RASGRP3: variants seen among roughly 807,000 people sequenced by gnomAD.
RASGRP3 encodes the protein ras guanyl-releasing protein 3.
A neutral mutation model predicts 82.7 loss-of-function variants in RASGRP3; 54 were observed. The ratio of observed to expected loss-of-function variants is 0.65; its 90% CI spans 0.52 to 0.82. The LOEUF is 0.82. Ranked by LOEUF, RASGRP3 falls within the 40% of genes least tolerant of loss-of-function variation. The pLI, the probability that RASGRP3 is intolerant of heterozygous loss-of-function variation, is 0.00. For synonymous variants in RASGRP3, 309 were observed against 300.5 expected (o/e 1.03, Z -0.29); for missense variants, 861 against 828.9 (o/e 1.04, Z -0.48).
At chr2:33,473,382 C>CA (rs113570731), upstream of RASGRP3, among the ~76,000 whole-genome samples, 32,540 of 144,698 alleles carry the variant, frequency 0.22, 3,712 homozygotes, top group South Asian at 0.33. Context: ...GACTCCGTCT[C>CA]AAAAAAAAAA....
chr2:33,510,149 A>G (rs1255929437), intron 1 of RASGRP3, among the ~76,000 whole-genome samples: 2 of 152,242 alleles, frequency 1.3e-5, no homozygotes, highest in Non-Finnish European at 2.9e-5. Flanking sequence ...AAAGATATTT[A>G]TGTAGTCATT....
chr2:33,494,329 C>A (rs1181430901), intron 1 of RASGRP3, among the ~76,000 whole-genome samples: 1 of 152,194 alleles, frequency 6.6e-6, no homozygotes, highest in Non-Finnish European at 1.5e-5. Flanking sequence ...CTCGCAGCTG[C>A]ACTGATCAGT....
chr2:33,484,148 G>C, intron 1 of RASGRP3, among the ~76,000 whole-genome samples: 1 of 152,318 alleles, frequency 6.6e-6, no homozygotes. Context: ...AAGATACCAG[G>C]AGGAATTCTT....
At chr2:33,483,620 C>G (rs1668124628) in intron 1 of RASGRP3, among the ~76,000 whole-genome samples, 1 of 151,546 alleles carries the variant, frequency 6.6e-6, no homozygotes, top group Non-Finnish European at 1.5e-5. Context: ...TCCTGAGTAG[C>G]TGCGACTATA....
At position 33,515,084 on chromosome 2, in the gene RASGRP3, G is replaced by C; in HGVS notation, c.-53G>C. Reference sequence around the variant, plus strand: ...CGCTGACTTGCATGATTATGGAGATGGTCTATCTGATGCTGAAAATGTCTC... The same window carrying C: ...CGCTGACTTGCATGATTATGGAGATCGTCTATCTGATGCTGAAAATGTCTC... On this transcript the variant is annotated 5_prime_UTR_variant, in exon 3 of 18. The change abolishes an upstream ATG in the 5' untranslated region. Transcript: ENST00000403687. 6.5e-7 allele frequency: 1 copy of C among 1,538,306 alleles called. No individual in the cohort carries two copies. Among genetic ancestry groups the C allele is most frequent in the Non-Finnish European group, 9.0e-7 (1 of 1,111,310 alleles).
At chr2:33,555,025 T>C (rs1463365944) in intron 14 of RASGRP3, 3 of 152,514 alleles carry the variant, frequency 2.0e-5, no homozygotes, top group African/African-American at 7.2e-5. Flanking sequence ...ATGTGGAGAA[T>C]GAAGACATGA....
At chr2:33,439,388 G>A (rs1416674815) in intron 1 of RASGRP3, among the ~76,000 whole-genome samples, 1 of 152,116 alleles carries the variant, frequency 6.6e-6, no homozygotes, top group African/African-American at 2.4e-5. Flanking sequence ...GATGGATGAG[G>A]GAGATGAGGA....
intron 1 of RASGRP3, among the ~76,000 whole-genome samples, chr2:33,443,568 T>C (rs1386579009): frequency 6.6e-6 from 1 of 152,038 alleles, no homozygotes; most frequent in East Asian, 1.9e-4. Context: ...TACTTACTGC[T>C]CTTACTATTT....
intron 2 of RASGRP3, among the ~76,000 whole-genome samples, chr2:33,468,020 C>CTT (rs1270704040): frequency 7.6e-6 from 1 of 132,222 alleles, no homozygotes; most frequent in African/African-American, 3.8e-5. Flanking sequence ...TTCTTTCTTT[C>CTT]TTTCTTTCTT....
intron 1 of RASGRP3, among the ~76,000 whole-genome samples, chr2:33,441,936 C>T (rs906450246): frequency 6.6e-6 from 1 of 151,976 alleles, no homozygotes; most frequent in Admixed American, 6.6e-5. Context: ...TAACATTCCA[C>T]AATATGAAAT....
chr2:33,536,170 C>A (rs1673585495), intron 11 of RASGRP3, among the ~76,000 whole-genome samples: 1 of 151,834 alleles, frequency 6.6e-6, no homozygotes. Context: ...GGCATGCTAG[C>A]ATGTGCCTGT....
intron 1 of RASGRP3, among the ~76,000 whole-genome samples, chr2:33,446,074 A>AAGGACAAAGTACCTC (rs1210480165): frequency 2.6e-5 from 4 of 152,306 alleles, no homozygotes; most frequent in African/African-American, 9.6e-5. Flanking sequence ...CCTTTTCCTG[A>AAGGACAAAGTACCTC]AGGACAAAGT....
At chr2:33,489,765 G>A (rs1305939288) in intron 1 of RASGRP3, among the ~76,000 whole-genome samples, 1 of 152,132 alleles carries the variant, frequency 6.6e-6, no homozygotes, top group East Asian at 1.9e-4. Flanking sequence ...TTGAACTTGT[G>A]AGCTCAAGCA....
At chr2:33,544,747 C>T (rs78550278) in intron 13 of RASGRP3, among the ~76,000 whole-genome samples, 3,234 of 152,164 alleles carry the variant, frequency 0.021, 117 homozygotes, top group African/African-American at 0.075. Context: ...GTAATGCCAG[C>T]ACTGTGGGAG....
intron 1 of RASGRP3, among the ~76,000 whole-genome samples, chr2:33,499,831 C>T (rs1669698012): frequency 6.6e-6 from 1 of 151,250 alleles, no homozygotes; most frequent in Non-Finnish European, 1.5e-5. Context: ...AGTGTACAGA[C>T]CATGTCAAAA....
At chr2:33,496,583 C>T (rs1301536907) in intron 1 of RASGRP3, among the ~76,000 whole-genome samples, 1 of 152,168 alleles carries the variant, frequency 6.6e-6, no homozygotes, top group Non-Finnish European at 1.5e-5. Flanking sequence ...GGGCTGGGCA[C>T]AGTGGCTCAC....
At chr2:33,499,825 T>A (rs1325615749) in intron 1 of RASGRP3, among the ~76,000 whole-genome samples, 1 of 151,448 alleles carries the variant, frequency 6.6e-6, no homozygotes, top group Non-Finnish European at 1.5e-5. Context: ...ATTTGAAGTG[T>A]ACAGACCATG....
intron 1 of RASGRP3, among the ~76,000 whole-genome samples, chr2:33,442,284 A>T (rs1328556624): frequency 1.3e-5 from 2 of 152,214 alleles, no homozygotes; most frequent in African/African-American, 2.4e-5. Context: ...GAATTGCTTG[A>T]ACCCAAGAGG....
intron 12 of RASGRP3, 35 bp from the exon 13 acceptor site, chr2:33,543,477 T>C (rs1041311337): frequency 1.5e-6 from 2 of 1,355,482 alleles, no homozygotes; most frequent in South Asian, 2.5e-5. Context: ...GCCTGCCTTA[T>C]AGTCATTCAA....
Sources: allele counts gnomAD v4.1 joint callset (sites outside exome capture counted in the v4.1 genomes callset), GRCh38; gene constraint gnomAD v4.1.1; transcripts MANE v1.5; gene names NCBI Gene and HGNC (gene_info 2026-07-23, HGNC 2026-07-21).